The following CARD8 variants were observed in gnomAD, a reference collection of about 807,000 sequenced individuals.
The protein encoded by CARD8 is caspase recruitment domain family member 8, also known as caspase recruitment domain-containing protein 8.
A neutral mutation model predicts 53.2 loss-of-function variants in CARD8; 38 were observed. The observed-to-expected ratio is 0.71, with a 90% CI of 0.55 to 0.94. The LOEUF is 0.94. Among genes scored for constraint, CARD8 ranks in the 40% least tolerant of loss-of-function variants. The pLI is 0.00. For missense variants in CARD8, 561 were observed against 655.5 expected (o/e 0.86, Z 1.57); for synonymous variants, 245 against 244.9 (o/e 1.00, Z 0.00).
chr19:48,250,060 GTGT>G (rs1217016104), intron 1 of CARD8, among the ~76,000 whole-genome samples: 1 of 152,060 alleles, frequency 6.6e-6, no homozygotes, highest in Non-Finnish European at 1.5e-5. Context: ...ACCAATGTTT[GTGT>G]TGTTAATACT....
chr19:48,224,543 T>C lies in CARD8; in HGVS notation c.1036-2688A>G, dbSNP rs148515932. On this transcript the variant is annotated intron_variant, in intron 10 of 13. Transcript: ENST00000651546. ...CAAGCCTATAGCTGGCCAGTGGTTATAGAGTTGAACTGTGCTGCTCTTGAA... is the reference window on the plus strand; with the variant it reads ...CAAGCCTATAGCTGGCCAGTGGTTACAGAGTTGAACTGTGCTGCTCTTGAA... Among the ~76,000 whole-genome samples the C allele has an allele frequency of 2.1e-4, 32 of 152,266 alleles. 1 individual carries two copies. The East Asian group carries it at 4.4e-3, about 21-fold the overall frequency.
chr19:48,228,220 A>C (rs2042165206), intron 10 of CARD8, among the ~76,000 whole-genome samples: 1 of 152,206 alleles, frequency 6.6e-6, no homozygotes, highest in African/African-American at 2.4e-5. Context: ...CTGATTTTAC[A>C]TTATGGTGAG....
chr19:48,238,288 T>C (rs2044283128), intron 5 of CARD8, 95 bp downstream of exon 5: 1 of 1,447,598 alleles, frequency 6.9e-7, no homozygotes, highest in East Asian at 2.5e-5. Flanking sequence ...TTTATGCAAA[T>C]AACCTGCATG....
At chr19:48,254,232 C>T (rs1423058053) in intron 1 of CARD8, among the ~76,000 whole-genome samples, 1 of 151,814 alleles carries the variant, frequency 6.6e-6, no homozygotes, top group Non-Finnish European at 1.5e-5. Context: ...AGATCCCATC[C>T]CCCAAATAAT....
chr19:48,218,505 C>T (rs2039828186), intron 12 of CARD8, among the ~76,000 whole-genome samples: 1 of 152,014 alleles, frequency 6.6e-6, no homozygotes, highest in African/African-American at 2.4e-5. Context: ...CAGGCATGTA[C>T]CACCACACCT....
chr19:48,231,119 C>T (rs1472958656), intron 8 of CARD8, 113 bp from the exon 9 acceptor site: 6 of 788,106 alleles, frequency 7.6e-6, no homozygotes, highest in African/African-American at 1.7e-5. Context: ...GACCCATCTG[C>T]GACTTTCACT....
At chr19:48,236,779 GTTTT>G (rs2043970980) in intron 5 of CARD8, among the ~76,000 whole-genome samples, 1 of 151,642 alleles carries the variant, frequency 6.6e-6, no homozygotes, top group South Asian at 2.1e-4. Flanking sequence ...TGGTTTTTTT[GTTTT>G]TTGTTTTTTT....
chr19:48,203,527 G>C (rs186371814), downstream of CARD8: 1 of 152,968 alleles, frequency 6.5e-6, no homozygotes, highest in East Asian at 1.9e-4. Context: ...GTGTGTACCA[G>C]TGTTCTAACA....
Position 48,210,897 on chromosome 19 carries a change from G to A in CARD8, c.*813C>T, listed in dbSNP as rs2037863091. Reference sequence around the variant, plus strand: ...GCTGAAATGGCTACAAAATGACAGAGTCTATGGTAGAATCCAAATGTCAGA... The same window carrying A: ...GCTGAAATGGCTACAAAATGACAGAATCTATGGTAGAATCCAAATGTCAGA... On this transcript the variant is annotated 3_prime_UTR_variant, in exon 14 of 14. Coordinates refer to ENST00000651546, the MANE Select transcript of CARD8 (RefSeq NM_001184900.3). 6.6e-6 allele frequency: 1 copy of A among 152,366 alleles called. No homozygotes were observed. The highest frequency in any genetic ancestry group is 2.1e-4 in the South Asian group (1 of 4,830). 9.4% of individuals were successfully genotyped at this position (152,366 alleles called of 1,614,324 possible).
chr19:48,226,635 T>G (rs1043588535), intron 10 of CARD8, among the ~76,000 whole-genome samples: 1 of 152,166 alleles, frequency 6.6e-6, no homozygotes, highest in African/African-American at 2.4e-5. Context: ...TTCCTAGATT[T>G]TAAAAATAGG....
intron 3 of CARD8, among the ~76,000 whole-genome samples, chr19:48,244,648 G>A (rs1429687387): frequency 6.6e-6 from 1 of 152,072 alleles, no homozygotes; most frequent in Non-Finnish European, 1.5e-5. Flanking sequence ...ACAGAGTACA[G>A]AAATACTACA....
At chr19:48,230,114 A>G (rs1159637092) in intron 10 of CARD8, among the ~76,000 whole-genome samples, 1 of 152,094 alleles carries the variant, frequency 6.6e-6, no homozygotes, top group Non-Finnish European at 1.5e-5. Flanking sequence ...CTCTGTCTCT[A>G]AAAAAAGAAA....
At chr19:48,240,722 T>C (rs1247745314) in intron 4 of CARD8, among the ~76,000 whole-genome samples, 1 of 149,782 alleles carries the variant, frequency 6.7e-6, no homozygotes, top group African/African-American at 2.5e-5. Flanking sequence ...TGAGCTGAGA[T>C]GGTACCAGCG....
chr19:48,238,316 T>A (rs2044286225), intron 5 of CARD8, 67 bp downstream of exon 5: 2 of 1,494,568 alleles, frequency 1.3e-6, no homozygotes. Context: ...TTCTTATGAA[T>A]GTACATAAAC....
intron 4 of CARD8, among the ~76,000 whole-genome samples, chr19:48,239,835 G>C (rs1278678259): frequency 1.3e-5 from 2 of 152,104 alleles, no homozygotes; most frequent in African/African-American, 4.8e-5. Flanking sequence ...AAATGTATTT[G>C]TCACAGCTCT....
chr19:48,251,251 A>G (rs943071300), intron 1 of CARD8, among the ~76,000 whole-genome samples: 4 of 152,252 alleles, frequency 2.6e-5, no homozygotes, highest in Non-Finnish European at 4.4e-5. Flanking sequence ...TTATTCTGCT[A>G]AGTAGAAAAG....
intron 10 of CARD8, among the ~76,000 whole-genome samples, chr19:48,228,789 C>A (rs192569064): frequency 6.6e-6 from 1 of 152,026 alleles, no homozygotes; most frequent in East Asian, 1.9e-4. Context: ...GTGGCTCCCA[C>A]ATAAGGGAAG....
rs567384261 is a variant in CARD8, at chr19:48,241,079, G to A, written c.-43-16C>T. 2.9e-6 allele frequency: 4 copies of A among 1,375,000 alleles called. No homozygotes were observed. Among genetic ancestry groups the A allele is most frequent in the Non-Finnish European group, 3.0e-6 (3 of 1,001,628 alleles). The allele number at this position is 1,375,000 out of a possible 1,614,324, so 85.2% of individuals were successfully genotyped here. A position where few individuals can be genotyped will look rare whatever the true frequency, so the allele number is the denominator to read the frequency against. On this transcript the variant is annotated splice_polypyrimidine_tract_variant and intron_variant, in intron 3 of 13. Transcript: ENST00000651546. Reference sequence around the variant, plus strand: ...CTTTTTTACCCTGAAAAAATAAAAGGAGGTTGTATTTAGGTACTTGGGAAG... The same window carrying A: ...CTTTTTTACCCTGAAAAAATAAAAGAAGGTTGTATTTAGGTACTTGGGAAG...
At chr19:48,232,622 A>G in intron 6 of CARD8, 129 bp from the exon 7 acceptor site, 1 of 805,454 alleles carries the variant, frequency 1.2e-6, no homozygotes, top group Non-Finnish European at 2.1e-6. Flanking sequence ...CGGATATGCT[A>G]TTTAAATTTG....
Sources: gnomAD v4.1 joint callset for allele counts (sites outside exome capture counted in the v4.1 genomes callset) on GRCh38, gnomAD v4.1.1 for gene constraint, MANE v1.5 for transcripts, NCBI Gene and HGNC (gene_info 2026-07-23, HGNC 2026-07-21) for gene names.